ATG13: variants seen among roughly 807,000 people sequenced by gnomAD.
The protein encoded by ATG13 is autophagy-related protein 13.
A neutral mutation model predicts 65.5 loss-of-function variants in ATG13; 23 were observed. The ratio of observed to expected loss-of-function variants is 0.35; its 90% CI spans 0.25 to 0.50. The LOEUF is 0.50. ATG13 is among the 20% of genes least tolerant of loss of function. The probability of loss-of-function intolerance (pLI) is 0.98; values close to 1 mark genes in which losing one functional copy is unlikely to be tolerated. For synonymous variants in ATG13, 252 were observed against 245.2 expected (o/e 1.03, Z -0.26); for missense variants, 566 against 677.0 (o/e 0.84, Z 1.82).
intron 1 of ATG13, among the ~76,000 whole-genome samples, chr11:46,623,946 G>A (rs912886846): frequency 1.5e-4 from 23 of 149,528 alleles, no homozygotes. Flanking sequence ...GAACCCTTCA[G>A]AGATGTTACT....
intron 7 of ATG13, among the ~76,000 whole-genome samples, chr11:46,655,277 T>C (rs745493304): frequency 4.0e-5 from 6 of 151,388 alleles, no homozygotes; most frequent in Non-Finnish European, 7.4e-5. Context: ...CGGACACCTG[T>C]AGTCCAGCTG....
At chr11:46,662,521 T>C (rs955594529) in intron 11 of ATG13, among the ~76,000 whole-genome samples, 4 of 152,210 alleles carry the variant, frequency 2.6e-5, no homozygotes, top group African/African-American at 7.2e-5. Context: ...CTGTCTCTTA[T>C]TGTGTCTTAT....
At chr11:46,661,903 T>A (rs1267766354) in intron 11 of ATG13, among the ~76,000 whole-genome samples, 1 of 152,300 alleles carries the variant, frequency 6.6e-6, no homozygotes, top group East Asian at 1.9e-4. Context: ...GTGATTGATG[T>A]TGTAGAATCC....
At chr11:46,655,726 T>G (rs2059910647) in intron 7 of ATG13, among the ~76,000 whole-genome samples, 1 of 152,212 alleles carries the variant, frequency 6.6e-6, no homozygotes, top group Non-Finnish European at 1.5e-5. Context: ...CAGTTTCCAC[T>G]TAATTATTAT....
chr11:46,653,074 A>G (rs2059243526), intron 7 of ATG13, among the ~76,000 whole-genome samples: 1 of 151,958 alleles, frequency 6.6e-6, no homozygotes, highest in South Asian at 2.1e-4. Context: ...TTGGTCCTTT[A>G]CAGAAAGGTT....
chr11:46,641,272 A>G (rs1471883351), intron 2 of ATG13, among the ~76,000 whole-genome samples: 2 of 152,164 alleles, frequency 1.3e-5, no homozygotes, highest in East Asian at 1.9e-4. Context: ...GGGTTTCACC[A>G]TCTTGGCCAG....
In ATG13 at chr11:46,644,264, A is replaced by AT; in HGVS notation, c.-13-15_-13-14insT. The AT allele has an allele frequency of 6.7e-7, 1 of 1,486,894 alleles. No homozygotes were observed. 92.1% of individuals were successfully genotyped at this position (1,486,894 alleles called of 1,614,324 possible). A position where few individuals can be genotyped will look rare whatever the true frequency, so the allele number is the denominator to read the frequency against. ...TAAAGATATTAGTCATATTTTTTTC[A>AT]CTTTTTTTTTTTAGATTCCTATAGG... On this transcript the variant is annotated splice_polypyrimidine_tract_variant and intron_variant, in intron 2 of 18. Coordinates refer to ENST00000683050, the MANE Select transcript of ATG13 (RefSeq NM_001346311.2).
Position 46,664,100 on chromosome 11 carries a change from G to A in ATG13, c.888+5G>A, listed in dbSNP as rs759405321. Reference sequence around the variant, plus strand: ...GGACTGGCCTTTTCCCATCAAGTGAGTCCATAATGGGAAGAAGGGGATATA... The same window carrying A: ...GGACTGGCCTTTTCCCATCAAGTGAATCCATAATGGGAAGAAGGGGATATA... On this transcript the variant is annotated splice_donor_5th_base_variant and intron_variant, in intron 12 of 18. Transcript: ENST00000683050. 6.4e-7 allele frequency: 1 copy of A among 1,567,590 alleles called. No individual in the cohort carries two copies. Among genetic ancestry groups the A allele is most frequent in the Non-Finnish European group, 8.6e-7 (1 of 1,160,334 alleles).
intron 11 of ATG13, 42 bp from the exon 12 acceptor site, chr11:46,663,945 CTTTTTTTTTT>C (rs953835564): frequency 1.4e-4 from 104 of 763,616 alleles, no homozygotes; most frequent in Middle Eastern, 3.9e-4. Flanking sequence ...AGTCCCTTTT[CTTTTTTTTTT>C]TTTTTTTTGT....
At chr11:46,669,038 G>A in intron 17 of ATG13, 128 bp downstream of exon 17, 1 of 810,912 alleles carries the variant, frequency 1.2e-6, no homozygotes, top group South Asian at 1.7e-5. Context: ...GGGATGGACA[G>A]GTGGAGTCTG....
chr11:46,670,486 A>C (rs1475979025), intron 18 of ATG13, among the ~76,000 whole-genome samples: 1 of 147,980 alleles, frequency 6.8e-6, no homozygotes, highest in African/African-American at 2.6e-5. Context: ...ATCTCAAAAA[A>C]AAAAAAAAAA....
In ATG13 at chr11:46,655,153, A is replaced by G. The variant is rs376730410; in HGVS notation, c.459-1080A>G. On this transcript the variant is annotated intron_variant, in intron 7 of 18. Transcript: ENST00000683050. ...AGTGGCTCACGCCTGTAATCCCAGC[A>G]CTTTGGGAGGCTGAGACGGGCGGAT... Among the ~76,000 whole-genome samples, 10 of 152,110 alleles carry G rather than the reference A, an allele frequency of 6.6e-5. No homozygotes were observed. The South Asian group carries it at 1.2e-3, about 19-fold the overall frequency.
At chr11:46,658,337 A>C (rs2060443398) in intron 10 of ATG13, among the ~76,000 whole-genome samples, 2 of 152,274 alleles carry the variant, frequency 1.3e-5, no homozygotes, top group East Asian at 3.9e-4. Context: ...TGTTTCGTGG[A>C]GTCTCTACTA....
chr11:46,672,666 C>T lies in ATG13; in HGVS notation c.*334C>T, dbSNP rs1272049459. 9.4e-6 allele frequency: 13 copies of T among 1,377,202 alleles called. No homozygotes were observed. Among genetic ancestry groups the T allele is most frequent in the East Asian group, 4.1e-5 (1 of 24,134 alleles). The allele number at this position is 1,377,202 out of a possible 1,614,324, so 85.3% of individuals were successfully genotyped here. A position where few individuals can be genotyped will look rare whatever the true frequency, so the allele number is the denominator to read the frequency against. Reference sequence around the variant, plus strand: ...TCATCCTGTTCCTCCTGCTGCCGGCCTCCTGCCTGGGCCTGCCTTGCAGCT... The same window carrying T: ...TCATCCTGTTCCTCCTGCTGCCGGCTTCCTGCCTGGGCCTGCCTTGCAGCT... On this transcript the variant is annotated 3_prime_UTR_variant, in exon 19 of 19. Coordinates refer to ENST00000683050, the MANE Select transcript of ATG13 (RefSeq NM_001346311.2).
chr11:46,633,001 A>AT (rs1245497216), intron 2 of ATG13, among the ~76,000 whole-genome samples: 22 of 102,322 alleles, frequency 2.2e-4, no homozygotes, highest in East Asian at 7.0e-4. Flanking sequence ...CCATTAAAAA[A>AT]AAATATATAT....
intron 11 of ATG13, 84 bp from the exon 12 acceptor site, chr11:46,663,913 G>C (rs2061695215): frequency 5.8e-6 from 6 of 1,032,474 alleles, no homozygotes; most frequent in Non-Finnish European, 7.0e-6. Flanking sequence ...GCCCCTTCCA[G>C]AGTTTCTTCA....
chr11:46,649,292 A>G (rs1565525537), intron 6 of ATG13, 109 bp downstream of exon 6: 7 of 1,277,424 alleles, frequency 5.5e-6, no homozygotes. Context: ...CATTCTGACC[A>G]CTTAACAAAG....
chr11:46,645,348 G>A lies in ATG13; in HGVS notation c.79G>A (p.Val27Met). ...IKFFALKTVQVIVQARLGEKI... is the reference protein window; with the variant it reads ...IKFFALKTVQMIVQARLGEKI... ...TTTTTTTTTTCTTTAGACTGTCCAA[G>A]TGATTGTCCAGGCTCGGCTTGGTGA... The change falls in exon 4 of 19, where the codon GTG (valine) becomes ATG (methionine). Residue 27 changes from valine to methionine, a missense_variant. Around this residue, in one of 2 missense-constraint regions of ATG13, gnomAD observed 179 missense variants for 267.2 expected, o/e 0.67. Transcript: ENST00000683050. The A allele has an allele frequency of 6.2e-7, 1 of 1,613,176 alleles. No individual in the cohort carries two copies. The highest frequency in any genetic ancestry group is 8.5e-7 in the Non-Finnish European group (1 of 1,179,672).
In ATG13 at chr11:46,672,545, G is replaced by T. The variant is rs557886935; in HGVS notation, c.*213G>T. On this transcript the variant is annotated 3_prime_UTR_variant, in exon 19 of 19. Transcript: ENST00000683050. Reference sequence around the variant, plus strand: ...CAGTGCCCAGTTGGAGAAGACTCACGTGCTGGCCTTGGAGATGGGAAGAAC... The same window carrying T: ...CAGTGCCCAGTTGGAGAAGACTCACTTGCTGGCCTTGGAGATGGGAAGAAC... 13 of 1,453,472 alleles carry T rather than the reference G, an allele frequency of 8.9e-6. No homozygotes were observed. Among genetic ancestry groups the T allele is most frequent in the African/African-American group, 7.0e-5 (5 of 71,060 alleles). The allele number at this position is 1,453,472 out of a possible 1,614,324, so 90.0% of individuals were successfully genotyped here. A position where few individuals can be genotyped will look rare whatever the true frequency, so the allele number is the denominator to read the frequency against.
Sources: gnomAD v4.1 joint callset for allele counts (sites outside exome capture counted in the v4.1 genomes callset) on GRCh38, gnomAD v4.1.1 for gene constraint, gnomAD v4.1.1 regional missense constraint, MANE v1.5 for transcripts, NCBI Gene and HGNC (gene_info 2026-07-23, HGNC 2026-07-21) for gene names.